Variants in WDR35 observed in about 807,000 individuals in gnomAD.
WDR35 encodes the protein WD repeat domain 35.
Under a neutral mutation model 158.3 loss-of-function variants are expected in WDR35, and 118 were observed. The observed-to-expected ratio is 0.75, with a 90% confidence interval of 0.64 to 0.87. The LOEUF is 0.87. Among genes scored for constraint, WDR35 ranks in the 40% least tolerant of loss-of-function variants. The probability of loss-of-function intolerance (pLI) is 0.00; values close to 1 mark genes in which losing one functional copy is unlikely to be tolerated. For synonymous variants in WDR35, 448 were observed against 476.1 expected (o/e 0.94, Z 0.77); for missense variants, 1,263 against 1,405.8 (o/e 0.90, Z 1.62).
At chr2:19,973,729 G>A (rs1381592995) in intron 7 of WDR35, 21 bp from the exon 8 acceptor site, 2 of 1,606,268 alleles carry the variant, frequency 1.2e-6, no homozygotes, top group Non-Finnish European at 1.7e-6. Context: ...AGAGAAAAAT[G>A]AGGTCACTGT....
rs769562410 is a variant in WDR35, at chr2:19,910,633, A to G, written c.*2925T>C. The G allele has an allele frequency of 1.3e-5, 2 of 152,240 alleles. No individual in the cohort carries two copies. Among genetic ancestry groups the G allele is most frequent in the African/African-American group, 2.4e-5 (1 of 41,466 alleles). 9.4% of individuals were successfully genotyped at this position (152,240 alleles called of 1,614,324 possible). A position where few individuals can be genotyped will look rare whatever the true frequency, so the allele number is the denominator to read the frequency against. On this transcript the variant is annotated 3_prime_UTR_variant, in exon 27 of 27. Transcript: ENST00000281405. ...ACTGTTTAATGATGCTGTCTTCAAT[A>G]TACTACCTAATTCTGTTTATGCAAC...
intron 19 of WDR35, among the ~76,000 whole-genome samples, chr2:19,937,539 A>G (rs1043515751): frequency 2.0e-5 from 3 of 152,202 alleles, no homozygotes; most frequent in African/African-American, 7.2e-5. Context: ...TATTAGATGT[A>G]AAAACAGAGA....
rs962340120 is a variant in WDR35 at position 19,912,365 on chromosome 2, A to C, written c.*1193T>G. ...GCATGAATAGAGACAGAGACCTCAA[A>C]GACTTCTGGTCTTCTCTTTTTATTT... On this transcript the variant is annotated 3_prime_UTR_variant, in exon 27 of 27. Transcript: ENST00000281405. 6.6e-6 allele frequency: 1 copy of C among 152,180 alleles called. No homozygotes were observed. Among genetic ancestry groups the C allele is most frequent in the Non-Finnish European group, 1.5e-5 (1 of 68,042 alleles). The allele number at this position is 152,180 out of a possible 1,614,324, so 9.4% of individuals were successfully genotyped here.
chr2:19,951,835 T>C (rs944661077), intron 12 of WDR35: 1 of 171,944 alleles, frequency 5.8e-6, no homozygotes, highest in Non-Finnish European at 1.2e-5. Context: ...TTCTCTGTTG[T>C]TTCTCCATAA....
rs569163422 is a variant in WDR35, at chr2:19,970,192, A to C, written c.883-587T>G. On this transcript the variant is annotated intron_variant, in intron 8 of 26. Transcript: ENST00000281405. ...TTATGTACAACTAAGGAAAGGAAAAAACACATTGCTAATTAAAATATGGCA... is the reference window on the plus strand; with the variant it reads ...TTATGTACAACTAAGGAAAGGAAAACACACATTGCTAATTAAAATATGGCA... Among the ~76,000 whole-genome samples the C allele has an allele frequency of 3.9e-5, 6 of 152,346 alleles. No individual in the cohort carries two copies. The East Asian group carries it at 1.2e-3, about 29-fold the overall frequency.
At chr2:19,960,231 T>C (rs1337394114) in intron 11 of WDR35, among the ~76,000 whole-genome samples, 3 of 152,126 alleles carry the variant, frequency 2.0e-5, no homozygotes, top group African/African-American at 7.2e-5. Flanking sequence ...ATCATTACGC[T>C]GCATACCAAT....
intron 2 of WDR35, 117 bp downstream of exon 2, chr2:19,989,048 G>A: frequency 1.1e-6 from 1 of 923,202 alleles, no homozygotes; most frequent in Non-Finnish European, 1.8e-6. Flanking sequence ...AAATGTTTTG[G>A]TAGTTTTCCC....
chr2:19,948,420 G>A (rs1431956109), intron 13 of WDR35, among the ~76,000 whole-genome samples: 5 of 152,132 alleles, frequency 3.3e-5, no homozygotes, highest in Non-Finnish European at 5.9e-5. Flanking sequence ...AGAGATTACT[G>A]AAAAGTCTAT....
At chr2:19,928,201 T>C (rs1034345846) in intron 25 of WDR35, among the ~76,000 whole-genome samples, 2 of 152,252 alleles carry the variant, frequency 1.3e-5, no homozygotes, top group African/African-American at 4.8e-5. Context: ...CCACAACCAG[T>C]AGCATGAGCA....
chr2:19,982,498 T>C lies in WDR35; in HGVS notation c.179A>G (p.Asn60Ser), dbSNP rs1672414354. ...TTCAAGAGTCTGATTCATAGAAAGG[T>C]TACTGGGGGCTGCAAGGCCCCTCAA... ...AKLRGLAAPS[N>S]LSMNQTLEGH... The change falls in exon 3 of 27, where the codon AAC becomes AGC. Residue 60 changes from asparagine to serine, a missense_variant. By Grantham distance (46) the Asn-to-Ser change is conservative (BLOSUM62 1). Transcript: ENST00000281405. 1.9e-6 allele frequency: 3 copies of C among 1,613,806 alleles called. No homozygotes were observed. In the African/African-American group the frequency reaches 4.0e-5, roughly 22 times the overall value.
chr2:19,933,324 A>C, intron 22 of WDR35, 77 bp downstream of exon 22: 1 of 1,159,720 alleles, frequency 8.6e-7, no homozygotes, highest in Non-Finnish European at 1.3e-6. Context: ...AAAGATCACT[A>C]GGGTGACTTT....
intron 2 of WDR35, among the ~76,000 whole-genome samples, chr2:19,986,879 T>C (rs919208113): frequency 6.6e-6 from 1 of 152,240 alleles, no homozygotes; most frequent in African/African-American, 2.4e-5. Flanking sequence ...CTTGTATAAA[T>C]GTACACACTC....
chr2:19,937,838 G>C lies in WDR35; in HGVS notation c.2172C>G (p.Gly724=). The change falls in exon 19 of 27, where the codon GGC becomes GGG. Residue 724 remains glycine (G), a synonymous_variant. Transcript: ENST00000281405. ...GTTTCATTGACTCACTCAGTAGTTT[G>C]CCCAAGCGCTTCACAAACTTAATGC... is the stretch of plus-strand genomic sequence containing the variant. The part of the protein sequence containing the change: ...YQGIKFVKRL[G]KLLSESMKQA... 2 of 1,614,066 alleles carry C rather than the reference G, an allele frequency of 1.2e-6. No individual in the cohort carries two copies. The highest frequency in any genetic ancestry group is 1.7e-5 in the Admixed American group (1 of 59,996).
intron 5 of WDR35, 55 bp from the exon 6 acceptor site, chr2:19,975,718 T>C: frequency 6.2e-7 from 1 of 1,610,638 alleles, no homozygotes; most frequent in East Asian, 2.2e-5. Context: ...CAACAACGGC[T>C]TTCGAAATCT....
chr2:19,935,628 T>C lies in WDR35; in HGVS notation c.2415-25A>G. The stretch of plus-strand genomic sequence containing the variant: ...CCTACAGAAAGAAAAAAGGAAAAAC[T>C]TTTAAAACTAATGTGAATCTCCTGA... On this transcript the variant is annotated intron_variant, in intron 20 of 26. Transcript: ENST00000281405. 3 of 1,607,120 alleles carry C rather than the reference T, an allele frequency of 1.9e-6. No individual in the cohort carries two copies. In the East Asian group the frequency reaches 6.7e-5, roughly 36 times the overall value.
At chr2:19,955,018 T>C (rs1474756798) in intron 11 of WDR35, among the ~76,000 whole-genome samples, 1 of 152,182 alleles carries the variant, frequency 6.6e-6, no homozygotes, top group Non-Finnish European at 1.5e-5. Flanking sequence ...AGTGGTGTGA[T>C]CTCAGCTCAT....
At position 19,910,894 on chromosome 2, in the gene WDR35, G is replaced by A. The variant is rs886208015; in HGVS notation, c.*2664C>T. The stretch of plus-strand genomic sequence containing the variant: ...AGATATAGATACCAAAGAGGCATAA[G>A]CTTTTACAAAAGTAAAAAAGATGTG... On this transcript the variant is annotated 3_prime_UTR_variant, in exon 27 of 27. Coordinates refer to ENST00000281405, the MANE Select transcript of WDR35 (RefSeq NM_020779.4). 1 of 152,148 alleles carries A rather than the reference G, an allele frequency of 6.6e-6. No homozygotes were observed. The highest frequency in any genetic ancestry group is 2.4e-5 in the African/African-American group (1 of 41,434). The allele number at this position is 152,148 out of a possible 1,614,324, so 9.4% of individuals were successfully genotyped here.
In WDR35 at chr2:19,913,616, A is replaced by C. The variant is rs1669900971; in HGVS notation, c.3455T>G (p.Leu1152Arg). ...WMCSVCKHGV[L>R]AQEISHYSFC... ...GCTGTAGTGGCTTATTTCCTGAGCA[A>C]GGACACCGTGTTTGCATACACTGCA... is the stretch of plus-strand genomic sequence containing the variant. Residue 1152 changes from leucine to arginine, a missense_variant, in exon 27 of 27, where the codon CTT becomes CGT. Leu to Arg is a moderately radical substitution (Grantham distance 102). Coordinates refer to ENST00000281405, the MANE Select transcript of WDR35 (RefSeq NM_020779.4). 3 of 1,614,004 alleles carry C rather than the reference A, an allele frequency of 1.9e-6. No homozygotes were observed. The highest frequency in any genetic ancestry group is 2.5e-6 in the Non-Finnish European group (3 of 1,179,984).
chr2:19,914,379 T>C (rs1176994681), intron 25 of WDR35, 102 bp from the exon 26 acceptor site: 3 of 1,475,454 alleles, frequency 2.0e-6, no homozygotes, highest in Admixed American at 1.7e-5. Flanking sequence ...TGAACTTGCA[T>C]GAACGAACTG....
Sources: allele counts gnomAD v4.1 joint callset (sites outside exome capture counted in the v4.1 genomes callset), GRCh38; gene constraint gnomAD v4.1.1; transcripts MANE v1.5; gene names NCBI Gene and HGNC (gene_info 2026-07-23, HGNC 2026-07-21).